GNG2: variants seen among roughly 807,000 people sequenced by gnomAD.
GNG2 encodes the protein G protein subunit gamma 2.
In GNG2, 5 loss-of-function variants were observed where a neutral mutation model predicts 5.5. The ratio of observed to expected loss-of-function variants is 0.91; its 90% CI spans 0.48 to 1.92. The LOEUF (loss-of-function observed/expected upper bound fraction) is 1.92, where lower values mean the gene tolerates loss of function less well. Among genes scored for constraint, GNG2 ranks in the 30% most tolerant of loss-of-function variants. The probability of loss-of-function intolerance (pLI) is 0.01; values close to 1 mark genes in which losing one functional copy is unlikely to be tolerated. For synonymous variants in GNG2, 28 were observed against 32.0 expected, an observed-to-expected ratio of 0.88 and a Z score of 0.42; for missense variants, 55 against 88.4, an observed-to-expected ratio of 0.62 and a Z score of 1.52.
intron 2 of GNG2, among the ~76,000 whole-genome samples, chr14:51,918,130 G>A (rs1886769764): frequency 6.6e-6 from 1 of 151,902 alleles, no homozygotes; most frequent in Non-Finnish European, 1.5e-5. Context: ...AGCAACAGGG[G>A]CAAAACAGTG....
intron 3 of GNG2, among the ~76,000 whole-genome samples, chr14:51,954,441 C>A (rs929337372): frequency 7.9e-5 from 12 of 152,198 alleles, no homozygotes; most frequent in Non-Finnish European, 1.5e-4. Flanking sequence ...CCTTAGAGCA[C>A]AAGAGGAGGG....
chr14:51,913,713 A>G (rs1051680669), intron 2 of GNG2, among the ~76,000 whole-genome samples: 9 of 152,162 alleles, frequency 5.9e-5, no homozygotes, highest in African/African-American at 1.9e-4. Flanking sequence ...GCTCTAGATA[A>G]AGGAATAAGC....
intron 2 of GNG2, among the ~76,000 whole-genome samples, chr14:51,836,007 A>G (rs936086836): frequency 8.6e-5 from 13 of 151,436 alleles, no homozygotes; most frequent in Non-Finnish European, 1.9e-4. Context: ...AAACAATAGA[A>G]ATTTATTTCT....
At chr14:51,928,444 A>G (rs1007033313) in intron 2 of GNG2, among the ~76,000 whole-genome samples, 1 of 152,192 alleles carries the variant, frequency 6.6e-6, no homozygotes. Flanking sequence ...TGAGCCTCCT[A>G]TAAACATTTT....
intron 1 of GNG2, chr14:51,826,296 A>G (rs923967338): frequency 6.6e-6 from 1 of 152,194 alleles, no homozygotes; most frequent in Non-Finnish European, 1.5e-5. Flanking sequence ...AAATAAATAA[A>G]TGACAACAAT....
Position 51,951,189 on chromosome 14 carries a change from G to T in GNG2, c.87+424G>T, listed in dbSNP as rs73297021. Among the ~76,000 whole-genome samples the T allele has an allele frequency of 4.6e-5, 7 of 152,140 alleles. No homozygotes were observed. In the East Asian group the frequency reaches 5.8e-4, roughly 13 times the overall value. ...CTAACACTTCTAGTTATCCTTGCAC[G>T]TTATAAGTTTTTTCTTCTTTATACT... is the stretch of plus-strand genomic sequence containing the variant. On this transcript the variant is annotated intron_variant, in intron 3 of 3. Transcript: ENST00000556766.
At chr14:51,966,234 A>AAC (rs1566720380) in intron 3 of GNG2, among the ~76,000 whole-genome samples, 22 of 150,016 alleles carry the variant, frequency 1.5e-4, no homozygotes, top group African/African-American at 5.4e-4. Flanking sequence ...AAAAAAAAAA[A>AAC]AAACAAATGA....
At position 51,878,959 on chromosome 14, in the gene GNG2, A is replaced by G. The variant is rs564165880; in HGVS notation, c.-30+1302A>G. ...AAATCAATCCAAGCAGAGTTTGTCA[A>G]TGGGGTTTGCTGGCACGTCCAATGG... On this transcript the variant is annotated intron_variant, in intron 2 of 3. Coordinates refer to ENST00000556766, the MANE Select transcript of GNG2 (RefSeq NM_053064.5). Among the ~76,000 whole-genome samples, 3 of 152,332 alleles carry G rather than the reference A, an allele frequency of 2.0e-5. No homozygotes were observed. The East Asian group carries it at 5.8e-4, about 29-fold the overall frequency.
chr14:51,830,364 C>T (rs1254789245), intron 2 of GNG2, among the ~76,000 whole-genome samples: 1 of 152,204 alleles, frequency 6.6e-6, no homozygotes, highest in East Asian at 1.9e-4. Flanking sequence ...TTAGTACCAT[C>T]TTTGTCCTCA....
intron 1 of GNG2, among the ~76,000 whole-genome samples, chr14:51,873,448 C>T (rs529018839): frequency 1.3e-5 from 2 of 152,370 alleles, no homozygotes; most frequent in African/African-American, 4.8e-5. Flanking sequence ...AATTTGCCTA[C>T]TGCAGGAGAG....
intron 2 of GNG2, 193 bp downstream of exon 2, chr14:51,877,850 T>C (rs904562608): frequency 5.9e-5 from 15 of 255,350 alleles, no homozygotes; most frequent in African/African-American, 3.0e-4. Context: ...ATAGTTAAAA[T>C]TGATTTTCAT....
At chr14:51,879,515 A>G (rs949642844) in intron 2 of GNG2, among the ~76,000 whole-genome samples, 14 of 152,194 alleles carry the variant, frequency 9.2e-5, no homozygotes, top group African/African-American at 3.4e-4. Flanking sequence ...CAAATGTATT[A>G]TCTTACCATT....
chr14:51,852,023 T>C (rs891215700), intron 2 of GNG2, among the ~76,000 whole-genome samples: 1 of 110,918 alleles, frequency 9.0e-6, no homozygotes, highest in Non-Finnish European at 1.9e-5. Flanking sequence ...ACTTTCTAGA[T>C]GTAAAAATTT....
intron 2 of GNG2, among the ~76,000 whole-genome samples, chr14:51,905,831 GC>G (rs1346043999): frequency 6.6e-6 from 1 of 152,182 alleles, no homozygotes; most frequent in Non-Finnish European, 1.5e-5. Flanking sequence ...TTTATAAGGG[GC>G]TTTCCCCAAT....
chr14:51,913,603 C>G (rs1886424444), intron 2 of GNG2, among the ~76,000 whole-genome samples: 1 of 152,064 alleles, frequency 6.6e-6, no homozygotes, highest in Admixed American at 6.5e-5. Flanking sequence ...GATGAATGGT[C>G]CTTTCCCCCA....
intron 2 of GNG2, chr14:51,841,689 G>A (rs761192700): frequency 3.3e-6 from 2 of 601,674 alleles, no homozygotes; most frequent in Admixed American, 2.9e-5. Flanking sequence ...AGGCAGATGA[G>A]AAAAATCACT....
chr14:51,877,789 T>C, intron 2 of GNG2, 132 bp downstream of exon 2: 1 of 268,224 alleles, frequency 3.7e-6, no homozygotes, highest in East Asian at 1.0e-4. Context: ...AGAGTCCTTA[T>C]CAATATTGAC....
chr14:51,850,936 C>T (rs1036187557), intron 2 of GNG2, among the ~76,000 whole-genome samples: 2 of 152,190 alleles, frequency 1.3e-5, no homozygotes, highest in Non-Finnish European at 2.9e-5. Flanking sequence ...TCCCACCAGG[C>T]CCCACCTCCA....
chr14:51,856,049 A>G (rs1252165213), upstream of GNG2, among the ~76,000 whole-genome samples: 2 of 152,060 alleles, frequency 1.3e-5, no homozygotes, highest in South Asian at 2.1e-4. Flanking sequence ...GGGTTGGCAC[A>G]CGCCTGTAAT....
Sources: allele counts gnomAD v4.1 joint callset (sites outside exome capture counted in the v4.1 genomes callset), GRCh38; gene constraint gnomAD v4.1.1; transcripts MANE v1.5; gene names NCBI Gene and HGNC (gene_info 2026-07-23, HGNC 2026-07-21).